ZNF560: variants seen among roughly 807,000 people sequenced by gnomAD.
The protein encoded by ZNF560 is zinc finger protein 560.
ZNF560 carries 54 observed loss-of-function variants against 81.8 expected under a neutral mutation model. The observed-to-expected ratio is 0.66, with a 90% CI of 0.53 to 0.83. The LOEUF (loss-of-function observed/expected upper bound fraction) is 0.83, where lower values mean the gene tolerates loss of function less well. Ranked by LOEUF, ZNF560 falls within the 40% of genes least tolerant of loss-of-function variation. ZNF560 has a pLI of 0.00. For synonymous variants in ZNF560, 321 were observed against 317.9 expected (o/e 1.01, Z -0.10); for missense variants, 940 against 932.4 (o/e 1.01, Z -0.11).
At chr19:9,471,164 T>G (rs980528155) in intron 6 of ZNF560, 132 bp downstream of exon 6, 3 of 570,604 alleles carry the variant, frequency 5.3e-6, no homozygotes, top group Non-Finnish European at 8.7e-6. Context: ...TATCAGAGCA[T>G]CTCTCCAGAG....
chr19:9,452,488 A>T, the ZNF560 span, among the ~76,000 whole-genome samples: 7 of 152,240 alleles, frequency 4.6e-5, no homozygotes. Context: ...TGGCAAAGAC[A>T]TGGAATCAAC....
chr19:9,485,627 C>T (rs1405992659), intron 2 of ZNF560, among the ~76,000 whole-genome samples: 1 of 151,166 alleles, frequency 6.6e-6, no homozygotes, highest in African/African-American at 2.4e-5. Context: ...CTCACTGCAA[C>T]CTCCACCTCC....
intron 2 of ZNF560, among the ~76,000 whole-genome samples, chr19:9,491,644 G>A (rs2144725896): frequency 6.6e-6 from 1 of 151,816 alleles, no homozygotes; most frequent in East Asian, 2.0e-4. Context: ...GGCTAACATG[G>A]TGAAACCCCA....
rs551634610 is a variant in ZNF560 at position 9,494,911 on chromosome 19, AAAAC to A, written c.-57+3213_-57+3216del. On this transcript the variant is annotated intron_variant, in intron 2 of 9. Transcript: ENST00000301480. ...TAAGAGTGAAACTCCGTCTCAAAAA[AAAAC>A]AAACAAACAAAACAAACAAACAAAC... Among the ~76,000 whole-genome samples, 657 of 151,308 alleles carry A rather than the reference AAAAC, an allele frequency of 4.3e-3. 2 individuals are homozygous for A. The highest frequency in any genetic ancestry group is 6.8e-3 in the Non-Finnish European group (464 of 67,848).
At chr19:9,448,298 C>T in the ZNF560 span, among the ~76,000 whole-genome samples, 16 of 151,176 alleles carry the variant, frequency 1.1e-4, no homozygotes, top group Non-Finnish European at 2.2e-4. Context: ...ATGACACGAT[C>T]TTGGCTCATG....
the ZNF560 span, among the ~76,000 whole-genome samples, chr19:9,450,872 C>T: frequency 6.6e-6 from 1 of 152,140 alleles, no homozygotes; most frequent in Non-Finnish European, 1.5e-5. Context: ...AGAGCCAAAT[C>T]AAGATGCAAT....
chr19:9,478,708 C>T (rs1206820811), intron 2 of ZNF560, among the ~76,000 whole-genome samples: 1 of 152,034 alleles, frequency 6.6e-6, no homozygotes, highest in Non-Finnish European at 1.5e-5. Context: ...CTTAAAATAT[C>T]CTGCTATAAG....
the ZNF560 span, among the ~76,000 whole-genome samples, chr19:9,503,801 G>C: frequency 6.6e-6 from 1 of 152,140 alleles, no homozygotes; most frequent in Non-Finnish European, 1.5e-5. Flanking sequence ...GCCTCCCAAC[G>C]TGCTAGAATT....
rs912551804 is a variant in ZNF560, at chr19:9,474,460, C to T, written c.31-135G>A. On this transcript the variant is annotated intron_variant, in intron 3 of 9. Coordinates refer to ENST00000301480, the MANE Select transcript of ZNF560 (RefSeq NM_152476.3). ...TTATCTACCCAAAGCTTAATAATCC[C>T]AGGTAAATCTCAGGTATTCCTCTCT... 6.5e-5 allele frequency: 63 copies of T among 972,708 alleles called. No homozygotes were observed. The African/African-American group carries it at 9.8e-4, about 15-fold the overall frequency. 60.3% of individuals were successfully genotyped at this position (972,708 alleles called of 1,614,324 possible). A position where few individuals can be genotyped will look rare whatever the true frequency, so the allele number is the denominator to read the frequency against.
At chr19:9,484,377 G>A (rs185226635) in intron 2 of ZNF560, among the ~76,000 whole-genome samples, 2 of 152,036 alleles carry the variant, frequency 1.3e-5, no homozygotes, top group African/African-American at 4.8e-5. Flanking sequence ...GACATGTGTG[G>A]CTACTGAGCA....
At chr19:9,494,591 C>A (rs1017412085) in intron 2 of ZNF560, among the ~76,000 whole-genome samples, 9 of 152,048 alleles carry the variant, frequency 5.9e-5, no homozygotes, top group African/African-American at 2.2e-4. Context: ...AAAAAATTAG[C>A]CAGGCATGGT....
chr19:9,476,082 C>G (rs781235503), intron 2 of ZNF560, among the ~76,000 whole-genome samples: 42 of 152,176 alleles, frequency 2.8e-4, no homozygotes, highest in Non-Finnish European at 4.0e-4. Flanking sequence ...AGTGTGAATA[C>G]TAAGGCCTAG....
chr19:9,467,614 G>A lies in ZNF560; in HGVS notation c.1333C>T (p.Pro445Ser). 6.2e-7 allele frequency: 1 copy of A among 1,613,542 alleles called. No individual in the cohort carries two copies. Among genetic ancestry groups the A allele is most frequent in the African/African-American group, 1.3e-5 (1 of 74,878 alleles). The change falls in exon 10 of 10, where the codon CCA becomes TCA. Residue 445 changes from proline (P) to serine (S), a missense_variant. Physicochemically the swap from Pro to Ser is moderately conservative, Grantham distance 74. Coordinates refer to ENST00000301480, the MANE Select transcript of ZNF560 (RefSeq NM_152476.3). ...ACTCTCAAATGTCCAAAAAGAGATG[G>A]GTAAGAAATAAAGGCTTTCCCACAG... is the stretch of plus-strand genomic sequence containing the variant. ...DHCGKAFISY[P>S]SLFGHLRVHN...
At chr19:9,491,466 G>A (rs553910155) in intron 2 of ZNF560, among the ~76,000 whole-genome samples, 2 of 152,098 alleles carry the variant, frequency 1.3e-5, no homozygotes, top group South Asian at 4.2e-4. Flanking sequence ...ACCATATCAA[G>A]ATATCCCCTC....
At chr19:9,460,334 G>A in the ZNF560 span, among the ~76,000 whole-genome samples, 3 of 152,198 alleles carry the variant, frequency 2.0e-5, no homozygotes, top group Admixed American at 6.5e-5. Context: ...AGGACAAGCA[G>A]TCACAGTGAG....
At chr19:9,473,288 G>A (rs1450140612) in intron 4 of ZNF560, 29 bp from the exon 5 acceptor site, 1 of 1,571,186 alleles carries the variant, frequency 6.4e-7, no homozygotes, top group Non-Finnish European at 8.7e-7. Flanking sequence ...TACATTAATG[G>A]AAGAGGCTCA....
At chr19:9,463,088 C>G (rs947206202), downstream of ZNF560, among the ~76,000 whole-genome samples, 2 of 152,092 alleles carry the variant, frequency 1.3e-5, no homozygotes, top group Non-Finnish European at 2.9e-5. Context: ...TCTGCCTAGA[C>G]AAGACATAAA....
chr19:9,456,774 T>G, the ZNF560 span, among the ~76,000 whole-genome samples: 1 of 152,212 alleles, frequency 6.6e-6, no homozygotes, highest in African/African-American at 2.4e-5. Flanking sequence ...CAATTATAAC[T>G]TCTATACCTA....
the ZNF560 span, among the ~76,000 whole-genome samples, chr19:9,455,609 A>T: frequency 6.6e-6 from 1 of 152,124 alleles, no homozygotes; most frequent in Admixed American, 6.6e-5. Flanking sequence ...GGCCAAAAGA[A>T]CCCTATGCAG....
Sources: gnomAD v4.1 joint callset for allele counts (sites outside exome capture counted in the v4.1 genomes callset) on GRCh38, gnomAD v4.1.1 for gene constraint, MANE v1.5 for transcripts, NCBI Gene and HGNC (gene_info 2026-07-23, HGNC 2026-07-21) for gene names.